Variants in KIF6 observed in about 807,000 individuals in gnomAD.
KIF6 encodes the protein kinesin family member 6.
A neutral mutation model predicts 112.7 loss-of-function variants in KIF6; 106 were observed. That is an observed-to-expected ratio of 0.94 (90% CI 0.80 to 1.11). KIF6 has a LOEUF of 1.11. KIF6 is among the 50% of genes least tolerant of loss of function. KIF6 has a pLI of 0.00. For missense variants in KIF6, 929 were observed against 964.0 expected, an observed-to-expected ratio of 0.96 and a Z score of 0.48; for synonymous variants, 339 against 339.9, an observed-to-expected ratio of 1.00 and a Z score of 0.03.
rs1763378885 is a variant in KIF6, at chr6:39,342,574, C to T, written c.2428+1135G>A. 6.8e-6 allele frequency among the ~76,000 whole-genome samples: 1 copy of T among 146,278 alleles called. No homozygotes were observed. The highest frequency in any genetic ancestry group is 2.6e-5 in the African/African-American group (1 of 37,930). ...AGAGTATTTGGGGCATAGATGGGGA[C>T]TTGGAGATCACTGAATCCAGTTTTT... On this transcript the variant is annotated intron_variant, in intron 22 of 22. Coordinates refer to ENST00000287152, the MANE Select transcript of KIF6 (RefSeq NM_145027.6). The surrounding 1 kb of genome is among the most constrained non-coding windows in gnomAD (Gnocchi z 4.7).
intron 3 of KIF6, among the ~76,000 whole-genome samples, chr6:39,704,713 C>CT (rs1258096338): frequency 6.6e-6 from 1 of 152,194 alleles, no homozygotes; most frequent in Non-Finnish European, 1.5e-5. Flanking sequence ...CTGAACTGCA[C>CT]TTATATGGCT....
chr6:39,652,326 C>G (rs1785515226), intron 3 of KIF6, among the ~76,000 whole-genome samples: 1 of 152,026 alleles, frequency 6.6e-6, no homozygotes, highest in Non-Finnish European at 1.5e-5. Context: ...GTCGGGAGTT[C>G]AAGACCAGCC....
At chr6:39,588,769 A>G (rs760864495) in intron 7 of KIF6, among the ~76,000 whole-genome samples, 1 of 152,148 alleles carries the variant, frequency 6.6e-6, no homozygotes, top group Non-Finnish European at 1.5e-5. Context: ...CTTCATCCCC[A>G]ATATCCAATC....
chr6:39,343,016 A>C lies in KIF6; in HGVS notation c.2428+693T>G. 1 of 985,402 alleles carries C rather than the reference A, an allele frequency of 1.0e-6. No individual in the cohort carries two copies. Among genetic ancestry groups the C allele is most frequent in the Non-Finnish European group, 1.2e-6 (1 of 829,912 alleles). The allele number at this position is 985,402 out of a possible 1,614,324, so 61.0% of individuals were successfully genotyped here. On this transcript the variant is annotated intron_variant, in intron 22 of 22. Transcript: ENST00000287152. This position sits in a 1 kb window ranked among gnomAD's most constrained non-coding sequence, Gnocchi z 4.1. The stretch of plus-strand genomic sequence containing the variant: ...GCCTTTGGGTTATGGGGAGGAGGCT[A>C]AGACAAAATGCAGGCCTGGGGTAAG...
chr6:39,655,399 T>C (rs1292504470), intron 3 of KIF6, among the ~76,000 whole-genome samples: 1 of 152,142 alleles, frequency 6.6e-6, no homozygotes, highest in Non-Finnish European at 1.5e-5. Flanking sequence ...TTCTCCCAGA[T>C]AGTAGCTTAC....
At chr6:39,403,435 T>C (rs1458591935) in intron 15 of KIF6, among the ~76,000 whole-genome samples, 1 of 152,240 alleles carries the variant, frequency 6.6e-6, no homozygotes, top group African/African-American at 2.4e-5. Flanking sequence ...GACTGGCTTC[T>C]TTCATCCAGC....
intron 6 of KIF6, among the ~76,000 whole-genome samples, chr6:39,596,650 CA>C (rs1225384098): frequency 6.6e-6 from 1 of 152,112 alleles, no homozygotes; most frequent in East Asian, 1.9e-4. Context: ...TTCATGATCA[CA>C]ATTGTAAACA....
At chr6:39,578,436 G>A (rs527380004) in intron 9 of KIF6, among the ~76,000 whole-genome samples, 70 of 150,366 alleles carry the variant, frequency 4.7e-4, no homozygotes, top group Non-Finnish European at 8.0e-4. Flanking sequence ...GGGTTCAAGC[G>A]ATTCTCCTGC....
At chr6:39,708,824 G>A (rs1789365068) in intron 3 of KIF6, among the ~76,000 whole-genome samples, 1 of 151,322 alleles carries the variant, frequency 6.6e-6, no homozygotes, top group Non-Finnish European at 1.5e-5. Flanking sequence ...GAAGCTTCAG[G>A]TATTCTCTGA....
intron 3 of KIF6, among the ~76,000 whole-genome samples, chr6:39,676,585 G>A (rs1356320865): frequency 6.6e-6 from 1 of 152,012 alleles, no homozygotes; most frequent in African/African-American, 2.4e-5. Context: ...AATTACTAAT[G>A]AGTCATATAA....
chr6:39,562,190 C>G (rs1416154447), intron 10 of KIF6, among the ~76,000 whole-genome samples: 2 of 152,158 alleles, frequency 1.3e-5, no homozygotes, highest in Admixed American at 6.6e-5. Context: ...GTGGTTACTT[C>G]TACATAAACT....
intron 15 of KIF6, among the ~76,000 whole-genome samples, chr6:39,388,386 A>G (rs1214729589): frequency 6.6e-6 from 1 of 152,026 alleles, no homozygotes; most frequent in African/African-American, 2.4e-5. Context: ...CACCACAAGC[A>G]TAAATACTCA....
intron 13 of KIF6, among the ~76,000 whole-genome samples, chr6:39,487,740 G>A (rs2150469463): frequency 6.6e-6 from 1 of 152,310 alleles, no homozygotes; most frequent in Non-Finnish European, 1.5e-5. Flanking sequence ...TTTAGTGGCT[G>A]AAAAACAGTC....
At chr6:39,361,558 C>CAAAAAA (rs1242586612) in intron 17 of KIF6, among the ~76,000 whole-genome samples, 2 of 44,648 alleles carry the variant, frequency 4.5e-5, no homozygotes, top group Non-Finnish European at 4.7e-5. Context: ...GGCTCCATCT[C>CAAAAAA]AAAAAAAAAA....
chr6:39,433,382 G>A (rs972982657), intron 13 of KIF6, among the ~76,000 whole-genome samples: 1 of 152,170 alleles, frequency 6.6e-6, no homozygotes, highest in Non-Finnish European at 1.5e-5. Flanking sequence ...TAAGAAATTC[G>A]GGGCCAGCAG....
At chr6:39,468,195 A>C (rs1773909253) in intron 13 of KIF6, among the ~76,000 whole-genome samples, 1 of 152,084 alleles carries the variant, frequency 6.6e-6, no homozygotes, top group Admixed American at 6.6e-5. Flanking sequence ...AGAATAAAGC[A>C]AACAAAAGGA....
chr6:39,584,659 C>T (rs1781516991), intron 9 of KIF6, among the ~76,000 whole-genome samples: 1 of 151,990 alleles, frequency 6.6e-6, no homozygotes, highest in African/African-American at 2.4e-5. Flanking sequence ...CCTGACTCTG[C>T]TACTTATTAG....
At chr6:39,437,551 A>G (rs1412114234) in intron 13 of KIF6, among the ~76,000 whole-genome samples, 1 of 152,162 alleles carries the variant, frequency 6.6e-6, no homozygotes, top group African/African-American at 2.4e-5. Flanking sequence ...GCATGTATCC[A>G]TTGCTCTCTC....
intron 13 of KIF6, among the ~76,000 whole-genome samples, chr6:39,487,077 A>G (rs374598557): frequency 2.6e-5 from 4 of 152,350 alleles, no homozygotes; most frequent in South Asian, 4.1e-4. Context: ...TACTTTAAAA[A>G]CAGCATTCTA....
Sources: gnomAD v4.1 joint callset for allele counts (sites outside exome capture counted in the v4.1 genomes callset) on GRCh38, gnomAD v4.1.1 for gene constraint, Gnocchi (gnomAD v3.1) non-coding constraint, MANE v1.5 for transcripts, NCBI Gene and HGNC (gene_info 2026-07-23, HGNC 2026-07-21) for gene names.